Variants in ADGB observed in about 807,000 individuals in gnomAD.
ADGB encodes the protein androglobin.
Under a neutral mutation model 210.5 loss-of-function variants are expected in ADGB, and 172 were observed. The observed-to-expected ratio is 0.82, with a 90% CI of 0.72 to 0.93. The LOEUF (loss-of-function observed/expected upper bound fraction) is 0.93. Ranked by LOEUF, ADGB falls within the 40% of genes least tolerant of loss-of-function variation. The pLI is 0.00. For missense variants in ADGB, 2,025 were observed against 1,964.8 expected (o/e 1.03, Z -0.58); for synonymous variants, 658 against 662.7 (o/e 0.99, Z 0.11).
rs1776082863 is a variant in ADGB at position 146,676,306 on chromosome 6, A to G, written c.1088-7A>G. 1.3e-6 allele frequency: 2 copies of G among 1,537,256 alleles called. No individual in the cohort carries two copies. Among genetic ancestry groups the G allele is most frequent in the South Asian group, 1.2e-5 (1 of 81,440 alleles). ...AAAATATTTATTGTGATTTTTTCAT[A>G]TGTTAGAGAAAGCAGATGCAAGAGA... On this transcript the variant is annotated splice_region_variant and splice_polypyrimidine_tract_variant and intron_variant, in intron 8 of 35. Transcript: ENST00000397944.
chr6:146,695,047 C>G (rs1396093581), intron 12 of ADGB, among the ~76,000 whole-genome samples: 2 of 152,114 alleles, frequency 1.3e-5, no homozygotes, highest in Admixed American at 1.3e-4. Context: ...TCAAAGCCTT[C>G]CTTGCTTCCT....
chr6:146,801,304 T>C (rs1778128158), intron 34 of ADGB, 25 bp downstream of exon 34: 4 of 1,267,960 alleles, frequency 3.2e-6, no homozygotes, highest in Admixed American at 2.9e-5. Context: ...ACATGATTGA[T>C]GCAGACAACT....
At chr6:146,759,996 T>C (rs1777462370) in intron 27 of ADGB, among the ~76,000 whole-genome samples, 1 of 151,880 alleles carries the variant, frequency 6.6e-6, no homozygotes, top group South Asian at 2.1e-4. Context: ...TCTCATACAT[T>C]AGGGAAATTT....
At chr6:146,683,648 A>G (rs1038224855) in intron 9 of ADGB, among the ~76,000 whole-genome samples, 7 of 152,030 alleles carry the variant, frequency 4.6e-5, no homozygotes, top group Admixed American at 1.3e-4. Context: ...TCAAGACCAC[A>G]TTCTTTACTC....
chr6:146,720,738 A>G (rs1776800192), intron 16 of ADGB, among the ~76,000 whole-genome samples: 3 of 152,120 alleles, frequency 2.0e-5, no homozygotes. Flanking sequence ...AGAGAGAGAC[A>G]GGAAAGGGGA....
intron 10 of ADGB, among the ~76,000 whole-genome samples, chr6:146,687,400 C>A (rs933361566): frequency 6.6e-6 from 1 of 151,884 alleles, no homozygotes; most frequent in African/African-American, 2.4e-5. Flanking sequence ...CCAGCAATGC[C>A]CCATCAATGA....
chr6:146,638,406 A>G (rs977220279), intron 2 of ADGB, among the ~76,000 whole-genome samples: 5 of 151,858 alleles, frequency 3.3e-5, no homozygotes, highest in African/African-American at 1.2e-4. Flanking sequence ...CATATACCCC[A>G]TGGAATACTA....
rs1046151794 is a variant in ADGB, at chr6:146,738,551, G to A, written c.2889-1908G>A. On this transcript the variant is annotated intron_variant, in intron 23 of 35. Coordinates refer to ENST00000397944, the MANE Select transcript of ADGB (RefSeq NM_024694.4). The stretch of plus-strand genomic sequence containing the variant: ...TGCGAGCTCCACCTCCTGGGTTCAC[G>A]CCATTCTCCTGCCTCAGCCTCCCTA... Among the ~76,000 whole-genome samples, 7 of 141,576 alleles carry A rather than the reference G, an allele frequency of 4.9e-5. No individual in the cohort carries two copies. The South Asian group carries it at 7.0e-4, about 14-fold the overall frequency. 92.9% of individuals were successfully genotyped at this position (141,576 alleles called of 152,430 possible). A position where few individuals can be genotyped will look rare whatever the true frequency, so the allele number is the denominator to read the frequency against.
Position 146,724,273 on chromosome 6 carries a change from T to C in ADGB, c.2183T>C (p.Val728Ala). ...SWKSLKPGSL[V>A]LKIHTYATKA... ...AAATCCCTGAAACCAGGCAGTCTTG[T>C]TCTGAAGATTCACACATATGCTACC... The change falls in exon 18 of 36, where the codon GTT becomes GCT. Residue 728 changes from valine (V) to alanine (A), a missense_variant. Physicochemically the swap from Val to Ala is moderately conservative, Grantham distance 64. Transcript: ENST00000397944. 6.4e-7 allele frequency: 1 copy of C among 1,551,064 alleles called. No homozygotes were observed. The highest frequency in any genetic ancestry group is 8.7e-7 in the Non-Finnish European group (1 of 1,146,694).
At chr6:146,795,743 G>A (rs1778031569) in intron 33 of ADGB, among the ~76,000 whole-genome samples, 2 of 152,066 alleles carry the variant, frequency 1.3e-5, no homozygotes, top group Admixed American at 6.5e-5. Context: ...CCCATTACTG[G>A]ATGTATACCC....
chr6:146,650,577 T>C (rs757054267), intron 3 of ADGB, among the ~76,000 whole-genome samples: 1 of 55,288 alleles, frequency 1.8e-5, no homozygotes, highest in Non-Finnish European at 3.2e-5. Flanking sequence ...ATACAATAAA[T>C]ACTCCTGAGT....
chr6:146,803,488 T>A, intron 35 of ADGB: 1 of 1,605,392 alleles, frequency 6.2e-7, no homozygotes, highest in African/African-American at 1.3e-5. Context: ...ATGATGAACT[T>A]TCTTTCTGCG....
Position 146,648,011 on chromosome 6 carries a change from C to A in ADGB, c.330+3146C>A, listed in dbSNP as rs150793592. Among the ~76,000 whole-genome samples the A allele has an allele frequency of 3.2e-3, 489 of 152,078 alleles. 4 individuals carry two copies. Among genetic ancestry groups the A allele is most frequent in the African/African-American group, 0.011 (471 of 41,516 alleles). On this transcript the variant is annotated intron_variant, in intron 3 of 35. Coordinates refer to ENST00000397944, the MANE Select transcript of ADGB (RefSeq NM_024694.4). ...TTAAAAATAAATTTCCCTTTATGAA[C>A]ATTGTCACAACTTACACAGACCATA...
intron 1 of ADGB, among the ~76,000 whole-genome samples, chr6:146,634,960 A>C (rs904772446): frequency 2.0e-5 from 3 of 152,064 alleles, no homozygotes; most frequent in Non-Finnish European, 4.4e-5. Flanking sequence ...ATGAAGTGGT[A>C]AAAAGCAATT....
At chr6:146,760,449 AT>A (rs1292635937) in intron 27 of ADGB, among the ~76,000 whole-genome samples, 1 of 149,612 alleles carries the variant, frequency 6.7e-6, no homozygotes, top group African/African-American at 2.5e-5. Flanking sequence ...ATTTCTATCT[AT>A]GTTTCTGAGT....
At position 146,672,371 on chromosome 6, in the gene ADGB, A is replaced by C. The variant is rs1479769718; in HGVS notation, c.991A>C (p.Lys331Gln). 5 of 1,551,300 alleles carry C rather than the reference A, an allele frequency of 3.2e-6. No individual in the cohort carries two copies. In the Admixed American group the frequency reaches 9.8e-5, roughly 30 times the overall value. ...GKEGKEGKEI[K>Q]DGKEVKDVKE... ...AGAAGGGAAGGAGGGAAAAGAAATAAAGGATGGAAAGGAAGTAAAAGACGT... is the reference window on the plus strand; with the variant it reads ...AGAAGGGAAGGAGGGAAAAGAAATACAGGATGGAAAGGAAGTAAAAGACGT... Residue 331 changes from lysine to glutamine, a missense_variant, in exon 8 of 36, where the codon AAG becomes CAG. Coordinates refer to ENST00000397944, the MANE Select transcript of ADGB (RefSeq NM_024694.4).
Position 146,785,689 on chromosome 6 carries a change from G to A in ADGB, c.4292G>A (p.Ser1431Asn). The change falls in exon 32 of 36, where the codon AGC (serine) becomes AAC (asparagine). Residue 1431 changes from serine to asparagine, a missense_variant. Physicochemically the swap from Ser to Asn is conservative, Grantham distance 46. Coordinates refer to ENST00000397944, the MANE Select transcript of ADGB (RefSeq NM_024694.4). ...GCTGAGAGTCCGCCTATATCTGAAA[G>A]CCAAACTAAACCAAAAGAAGAAGGT... ...SDAESPPISESQTKPKEEVET... is the reference protein window; with the variant it reads ...SDAESPPISENQTKPKEEVET... 6.4e-7 allele frequency: 1 copy of A among 1,550,612 alleles called. No homozygotes were observed. The highest frequency in any genetic ancestry group is 2.4e-5 in the East Asian group (1 of 40,890).
Position 146,644,763 on chromosome 6 carries a change from T to C in ADGB, c.238-10T>C. ...AATATGCAGAAAAAACTCAATTTAT[T>C]TTTATATAGCATTTTTTTGAGGACC... On this transcript the variant is annotated splice_polypyrimidine_tract_variant and intron_variant, in intron 2 of 35. Coordinates refer to ENST00000397944, the MANE Select transcript of ADGB (RefSeq NM_024694.4). 1 of 1,406,496 alleles carries C rather than the reference T, an allele frequency of 7.1e-7. No homozygotes were observed. The highest frequency in any genetic ancestry group is 1.6e-5 in the South Asian group (1 of 61,862). The allele number at this position is 1,406,496 out of a possible 1,614,324, so 87.1% of individuals were successfully genotyped here.
intron 23 of ADGB, among the ~76,000 whole-genome samples, chr6:146,737,052 C>A: frequency 6.6e-6 from 1 of 151,900 alleles, no homozygotes; most frequent in Non-Finnish European, 1.5e-5. Flanking sequence ...AAATTACACA[C>A]CCACTCACCT....
Sources: allele counts gnomAD v4.1 joint callset (sites outside exome capture counted in the v4.1 genomes callset), GRCh38; gene constraint gnomAD v4.1.1; transcripts MANE v1.5; gene names NCBI Gene and HGNC (gene_info 2026-07-23, HGNC 2026-07-21).